Variants in CDC73 observed in about 807,000 individuals in gnomAD.
CDC73 encodes parafibromin.
CDC73 carries 21 observed loss-of-function variants against 83.7 expected under a neutral mutation model. The observed-to-expected ratio is 0.25, with a 90% confidence interval of 0.18 to 0.36. The LOEUF (loss-of-function observed/expected upper bound fraction) is 0.36, where lower values mean the gene tolerates loss of function less well. Ranked by LOEUF, CDC73 falls within the 10% of genes least tolerant of loss-of-function variation. The pLI is 1.00. For synonymous variants in CDC73, 224 were observed against 212.9 expected (o/e 1.05, Z -0.45); for missense variants, 342 against 653.3 (o/e 0.52, Z 5.19).
chr1:193,193,041 C>T (rs1676945310), intron 10 of CDC73, among the ~76,000 whole-genome samples: 1 of 152,106 alleles, frequency 6.6e-6, no homozygotes, highest in South Asian at 2.1e-4. Context: ...TTGCTTTTTT[C>T]CTGTAATTTT....
intron 1 of CDC73, 124 bp from the exon 2 acceptor site, chr1:193,124,988 T>C (rs1040127506): frequency 1.4e-6 from 1 of 695,772 alleles, no homozygotes; most frequent in African/African-American, 1.8e-5. Flanking sequence ...TTAGATTTTA[T>C]ACTTTTTTTT....
In CDC73 at chr1:193,130,207, C is replaced by T. The variant is rs1558280170; in HGVS notation, c.271C>T (p.Arg91Ter). The part of the protein sequence containing the change: ...ENIPVVRRPD[R>*]KDLLGYLNGE... ...TATTCCTGTGGTTAGAAGACCTGAT[C>T]GAAAAGATCTACTTGGATATCTCAA... Residue 91 changes from arginine (R) to a stop codon, truncating the protein, a stop_gained, in exon 3 of 17, where the codon CGA (arginine) becomes TGA (stop). Transcript: ENST00000367435. LOFTEE classifies it high-confidence loss of function. The T allele has an allele frequency of 6.2e-7, 1 of 1,604,690 alleles. No individual in the cohort carries two copies. The highest frequency in any genetic ancestry group is 8.5e-7 in the Non-Finnish European group (1 of 1,171,896).
At chr1:193,242,525 A>G (rs539041014) in intron 15 of CDC73, among the ~76,000 whole-genome samples, 1 of 151,956 alleles carries the variant, frequency 6.6e-6, no homozygotes. Flanking sequence ...GTGATTATCT[A>G]CTCACTGTTT....
intron 7 of CDC73, among the ~76,000 whole-genome samples, chr1:193,144,975 T>C (rs1675971415): frequency 1.3e-5 from 2 of 152,182 alleles, no homozygotes; most frequent in Admixed American, 1.3e-4. Context: ...TTCTAATTCT[T>C]TTTCCACCCA....
chr1:193,167,491 ACTCATTAAG>A (rs1482691347), intron 10 of CDC73, among the ~76,000 whole-genome samples: 1 of 151,902 alleles, frequency 6.6e-6, no homozygotes, highest in Non-Finnish European at 1.5e-5. Context: ...CATGACCTCA[ACTCATTAAG>A]CAGTAGTGAA....
At chr1:193,237,832 T>C (rs1387919873) in intron 15 of CDC73, among the ~76,000 whole-genome samples, 1 of 152,180 alleles carries the variant, frequency 6.6e-6, no homozygotes, top group Non-Finnish European at 1.5e-5. Flanking sequence ...ATTTTCCTTC[T>C]GTCGTTCGGC....
Position 193,122,257 on chromosome 1 carries a change from G to C in CDC73, c.57G>C (p.Val19=). The C allele has an allele frequency of 6.2e-7, 1 of 1,614,104 alleles. No individual in the cohort carries two copies. The highest frequency in any genetic ancestry group is 8.5e-7 in the Non-Finnish European group (1 of 1,179,946). The change falls in exon 1 of 17, where the codon GTG becomes GTC. Residue 19 remains valine (V), a synonymous_variant. Coordinates refer to ENST00000367435, the MANE Select transcript of CDC73 (RefSeq NM_024529.5). ...ACAACATCCAGAAGAAGGAGATTGT[G>C]GTGAAGGGAGACGAAGTGATCTTCG... ...RQYNIQKKEI[V]VKGDEVIFGE...
intron 6 of CDC73, among the ~76,000 whole-genome samples, chr1:193,139,537 AGATT>A (rs1675865000): frequency 6.6e-6 from 1 of 152,130 alleles, no homozygotes; most frequent in African/African-American, 2.4e-5. Flanking sequence ...TCATGCCTTG[AGATT>A]GATTGATATT....
intron 8 of CDC73, among the ~76,000 whole-genome samples, chr1:193,148,676 C>T (rs1676052239): frequency 8.6e-6 from 1 of 116,448 alleles, no homozygotes; most frequent in Admixed American, 1.1e-4. Flanking sequence ...GAGACAGTCT[C>T]ACTCTGTTGC....
chr1:193,151,478 GTTTA>G (rs1676109983), intron 9 of CDC73, among the ~76,000 whole-genome samples: 1 of 152,128 alleles, frequency 6.6e-6, no homozygotes, highest in Non-Finnish European at 1.5e-5. Flanking sequence ...CACATATATT[GTTTA>G]TTCTGCTTTT....
intron 10 of CDC73, among the ~76,000 whole-genome samples, chr1:193,185,305 A>C (rs1031478122): frequency 5.3e-5 from 8 of 152,080 alleles, no homozygotes; most frequent in African/African-American, 1.7e-4. Context: ...GCCACTATTG[A>C]TGTCCCTTTG....
Position 193,250,998 on chromosome 1 carries a change from T to A in CDC73, c.*286T>A. On this transcript the variant is annotated 3_prime_UTR_variant, in exon 17 of 17. Coordinates refer to ENST00000367435, the MANE Select transcript of CDC73 (RefSeq NM_024529.5). Reference sequence around the variant, plus strand: ...AAAATTTGTTTCTTTAGAAAATAAATGCAGGTTATAAATGTGTGTATATTT... The same window carrying A: ...AAAATTTGTTTCTTTAGAAAATAAAAGCAGGTTATAAATGTGTGTATATTT... The A allele has an allele frequency of 2.2e-6, 1 of 446,172 alleles. No individual in the cohort carries two copies. The highest frequency in any genetic ancestry group is 4.0e-6 in the Non-Finnish European group (1 of 247,682). The allele number at this position is 446,172 out of a possible 1,614,324, so 27.6% of individuals were successfully genotyped here.
intron 10 of CDC73, among the ~76,000 whole-genome samples, chr1:193,162,529 C>T (rs953456727): frequency 1.9e-4 from 29 of 151,334 alleles, no homozygotes; most frequent in African/African-American, 6.1e-4. Context: ...TGCACCACCA[C>T]GGCCTGGCAA....
At chr1:193,176,708 C>G (rs1558298778) in intron 10 of CDC73, among the ~76,000 whole-genome samples, 3 of 151,896 alleles carry the variant, frequency 2.0e-5, no homozygotes. Context: ...GTGAAATTTC[C>G]TAGTTAAACA....
intron 6 of CDC73, 84 bp downstream of exon 6, chr1:193,138,257 AT>A: frequency 2.2e-6 from 2 of 906,410 alleles, no homozygotes; most frequent in Non-Finnish European, 3.7e-6. Context: ...TGCTCTCCAC[AT>A]TTACATTTAC....
intron 11 of CDC73, among the ~76,000 whole-genome samples, chr1:193,211,255 G>A (rs1398392993): frequency 6.6e-6 from 1 of 152,142 alleles, no homozygotes; most frequent in Non-Finnish European, 1.5e-5. Flanking sequence ...TAAATTTAAT[G>A]CCTTTTCCAT....
At chr1:193,249,082 A>C (rs766891400) in intron 15 of CDC73, among the ~76,000 whole-genome samples, 6 of 152,030 alleles carry the variant, frequency 3.9e-5, no homozygotes, top group Non-Finnish European at 8.8e-5. Context: ...AGGCAGAGTC[A>C]ATCAGTGCAG....
At chr1:193,190,182 T>C (rs1251953875) in intron 10 of CDC73, among the ~76,000 whole-genome samples, 1 of 152,252 alleles carries the variant, frequency 6.6e-6, no homozygotes, top group Non-Finnish European at 1.5e-5. Flanking sequence ...AGATCAGGTA[T>C]AATTTCCACC....
intron 3 of CDC73, among the ~76,000 whole-genome samples, chr1:193,131,704 CTCTT>C (rs921846421): frequency 6.6e-6 from 1 of 152,174 alleles, no homozygotes; most frequent in African/African-American, 2.4e-5. Flanking sequence ...TTTGCACTTT[CTCTT>C]TCTATCTTGA....
Sources: allele counts gnomAD v4.1 joint callset (sites outside exome capture counted in the v4.1 genomes callset), GRCh38; gene constraint gnomAD v4.1.1; transcripts MANE v1.5; gene names NCBI Gene and HGNC (gene_info 2026-07-23, HGNC 2026-07-21).